The following ZDHHC2 variants were observed in gnomAD, a reference collection of about 807,000 sequenced individuals.
ZDHHC2 encodes palmitoyltransferase ZDHHC2.
ZDHHC2 carries 51 observed loss-of-function variants against 55.6 expected under a neutral mutation model. That is an observed-to-expected ratio of 0.92 (90% confidence interval 0.73 to 1.16). The LOEUF (loss-of-function observed/expected upper bound fraction) is 1.16, where lower values mean the gene tolerates loss of function less well. Ranked by LOEUF, ZDHHC2 falls within the 50% of genes most tolerant of loss-of-function variation. ZDHHC2 has a pLI of 0.00. For synonymous variants in ZDHHC2, 199 were observed against 152.9 expected, an observed-to-expected ratio of 1.30 and a Z score of -2.22; for missense variants, 491 against 442.4, an observed-to-expected ratio of 1.11 and a Z score of -0.99.
chr8:17,190,766 T>C (rs1805982391), intron 3 of ZDHHC2, among the ~76,000 whole-genome samples: 1 of 152,016 alleles, frequency 6.6e-6, no homozygotes, highest in Non-Finnish European at 1.5e-5. Flanking sequence ...ACCTGAGGTA[T>C]TTTGATACAG....
intron 4 of ZDHHC2, 150 bp downstream of exon 4, chr8:17,195,774 T>G (rs1011225555): frequency 1.8e-6 from 2 of 1,112,668 alleles, no homozygotes; most frequent in Non-Finnish European, 2.6e-6. Flanking sequence ...CTTTCCTGTG[T>G]GATTCCATAA....
At chr8:17,198,160 G>T (rs949146298) in intron 5 of ZDHHC2, among the ~76,000 whole-genome samples, 1 of 152,066 alleles carries the variant, frequency 6.6e-6, no homozygotes, top group Admixed American at 6.6e-5. Context: ...TGCATCTTAA[G>T]CATGTATATT....
At chr8:17,181,996 A>C (rs1370214893) in intron 1 of ZDHHC2, among the ~76,000 whole-genome samples, 4 of 152,180 alleles carry the variant, frequency 2.6e-5, no homozygotes. Flanking sequence ...TCTGCCATTA[A>C]ACTGAAAATT....
At chr8:17,200,914 G>A (rs544570983) in intron 6 of ZDHHC2, among the ~76,000 whole-genome samples, 4 of 152,100 alleles carry the variant, frequency 2.6e-5, no homozygotes, top group Non-Finnish European at 5.9e-5. Context: ...CTTCCCTTGC[G>A]GCATCCACTG....
At chr8:17,189,132 T>G (rs1427616737) in intron 3 of ZDHHC2, among the ~76,000 whole-genome samples, 1 of 148,138 alleles carries the variant, frequency 6.8e-6, no homozygotes, top group African/African-American at 2.5e-5. Context: ...GTTATGTTTT[T>G]TTTTTTTTTT....
At chr8:17,204,019 G>A (rs1012989941) in intron 6 of ZDHHC2, among the ~76,000 whole-genome samples, 5 of 151,692 alleles carry the variant, frequency 3.3e-5, no homozygotes, top group African/African-American at 1.2e-4. Context: ...TGTTGGCCAG[G>A]ATGGCCTTGA....
At chr8:17,160,530 T>C (rs982778376) in intron 1 of ZDHHC2, among the ~76,000 whole-genome samples, 1 of 152,248 alleles carries the variant, frequency 6.6e-6, no homozygotes, top group African/African-American at 2.4e-5. Context: ...CCGAGTTACC[T>C]AGCGGAGGTG....
intron 3 of ZDHHC2, among the ~76,000 whole-genome samples, chr8:17,191,399 A>G (rs1238819986): frequency 6.6e-6 from 1 of 152,094 alleles, no homozygotes; most frequent in African/African-American, 2.4e-5. Context: ...GCCCAGCCTT[A>G]TTCATTCTTT....
intron 7 of ZDHHC2, among the ~76,000 whole-genome samples, 199 bp downstream of exon 7, chr8:17,205,974 C>T (rs1186862242): frequency 6.6e-6 from 1 of 152,156 alleles, no homozygotes; most frequent in Non-Finnish European, 1.5e-5. Context: ...TGACAGCTTT[C>T]GTCATCTGCA....
chr8:17,195,339 C>T (rs1023024834), intron 3 of ZDHHC2, among the ~76,000 whole-genome samples, 165 bp from the exon 4 acceptor site: 1 of 152,146 alleles, frequency 6.6e-6, no homozygotes, highest in African/African-American at 2.4e-5. Flanking sequence ...AAATGAATGA[C>T]CTGTGAGGTG....
chr8:17,208,892 T>A (rs1269770411), intron 8 of ZDHHC2, among the ~76,000 whole-genome samples: 2 of 152,166 alleles, frequency 1.3e-5, no homozygotes, highest in Non-Finnish European at 2.9e-5. Context: ...CTGGATAATA[T>A]GATCCTTTGA....
rs1470804206 is a variant in ZDHHC2, at chr8:17,215,362, T to C, written c.1063+13T>C. On this transcript the variant is annotated intron_variant, in intron 11 of 12. Transcript: ENST00000262096. ...AAATGCAAAGCTGGTAAGGGTGTGC[T>C]TGTTTGGCTGTTTTTTGACATATTT... 5 of 1,557,930 alleles carry C rather than the reference T, an allele frequency of 3.2e-6. No individual in the cohort carries two copies. Among genetic ancestry groups the C allele is most frequent in the Non-Finnish European group, 4.4e-6 (5 of 1,148,524 alleles).
At chr8:17,189,430 C>T (rs927101940) in intron 3 of ZDHHC2, among the ~76,000 whole-genome samples, 2 of 152,094 alleles carry the variant, frequency 1.3e-5, no homozygotes, top group Non-Finnish European at 2.9e-5. Flanking sequence ...TCCATAAGGG[C>T]GTGAAATGTA....
At chr8:17,176,695 C>T (rs774258279) in intron 1 of ZDHHC2, among the ~76,000 whole-genome samples, 1 of 151,798 alleles carries the variant, frequency 6.6e-6, no homozygotes, top group Non-Finnish European at 1.5e-5. Flanking sequence ...GGTTAAGACA[C>T]AAGAAAGCCC....
chr8:17,168,696 T>A (rs1804719323), intron 1 of ZDHHC2, among the ~76,000 whole-genome samples: 1 of 151,980 alleles, frequency 6.6e-6, no homozygotes, highest in African/African-American at 2.4e-5. Flanking sequence ...ACTTTCTGCC[T>A]CCGTGAGTCC....
At chr8:17,186,453 C>T in intron 3 of ZDHHC2, 28 bp downstream of exon 3, 1 of 1,319,564 alleles carries the variant, frequency 7.6e-7, no homozygotes, top group Admixed American at 2.9e-5. Context: ...CGAAATTATT[C>T]TAATAATAGA....
At chr8:17,210,142 A>G (rs1807304912) in intron 9 of ZDHHC2, 84 bp downstream of exon 9, 3 of 1,436,556 alleles carry the variant, frequency 2.1e-6, no homozygotes, top group Admixed American at 2.6e-5. Context: ...CTCTAGTTCC[A>G]TAGGCTTGTA....
intron 6 of ZDHHC2, among the ~76,000 whole-genome samples, chr8:17,203,210 C>A (rs989372314): frequency 2.0e-5 from 3 of 151,622 alleles, no homozygotes; most frequent in African/African-American, 7.3e-5. Context: ...CAGACGTGCA[C>A]CACCATGCCA....
intron 10 of ZDHHC2, among the ~76,000 whole-genome samples, chr8:17,214,107 A>G (rs1807523518): frequency 6.6e-6 from 1 of 152,178 alleles, no homozygotes; most frequent in Non-Finnish European, 1.5e-5. Context: ...TCTTTTGAAT[A>G]CTGTTACAAT....
Sources: allele counts gnomAD v4.1 joint callset (sites outside exome capture counted in the v4.1 genomes callset), GRCh38; gene constraint gnomAD v4.1.1; transcripts MANE v1.5; gene names NCBI Gene and HGNC (gene_info 2026-07-23, HGNC 2026-07-21).